Variants in CFH observed in about 807,000 individuals in gnomAD.
CFH encodes the protein H factor 1 (complement).
A neutral mutation model predicts 147.3 loss-of-function variants in CFH; 53 were observed. The observed-to-expected ratio is 0.36, with a 90% CI of 0.29 to 0.45. CFH has a LOEUF of 0.45. CFH is among the 20% of genes least tolerant of loss of function. The pLI, the probability that CFH is intolerant of heterozygous loss-of-function variation, is 1.00. For missense variants in CFH, 1,380 were observed against 1,498.0 expected (o/e 0.92, Z 1.30); for synonymous variants, 536 against 489.4 (o/e 1.10, Z -1.26).
At chr1:196,660,884 TATA>T (rs1430252697) in intron 1 of CFH, among the ~76,000 whole-genome samples, 1 of 152,162 alleles carries the variant, frequency 6.6e-6, no homozygotes, top group African/African-American at 2.4e-5. Flanking sequence ...CACCTGGAAA[TATA>T]ATAATAACCA....
chr1:196,687,870 T>C (rs751380048), intron 7 of CFH, among the ~76,000 whole-genome samples: 3 of 152,074 alleles, frequency 2.0e-5, no homozygotes, highest in Admixed American at 6.6e-5. Context: ...TTATAAGATA[T>C]ATGGATTGTA....
At chr1:196,657,640 A>G (rs1309489014) in intron 1 of CFH, among the ~76,000 whole-genome samples, 2 of 152,216 alleles carry the variant, frequency 1.3e-5, no homozygotes, top group African/African-American at 2.4e-5. Context: ...GTGAGAAGAT[A>G]AGAAAGAAAT....
chr1:196,664,783 T>C (rs1425534541), intron 1 of CFH, among the ~76,000 whole-genome samples: 1 of 152,160 alleles, frequency 6.6e-6, no homozygotes, highest in Non-Finnish European at 1.5e-5. Context: ...ATTCTAATTA[T>C]ATCCATTATT....
intron 1 of CFH, among the ~76,000 whole-genome samples, chr1:196,657,473 T>C (rs1344252897): frequency 6.6e-6 from 1 of 152,104 alleles, no homozygotes; most frequent in Non-Finnish European, 1.5e-5. Flanking sequence ...AACTTAAGCA[T>C]AGGAAAAACT....
chr1:196,707,448 A>G (rs1292903867), intron 9 of CFH, among the ~76,000 whole-genome samples: 3 of 152,190 alleles, frequency 2.0e-5, no homozygotes, highest in African/African-American at 7.2e-5. Flanking sequence ...TATCCAACTG[A>G]CATTCTCTTT....
chr1:196,671,945 A>G (rs1573007729), intron 1 of CFH, among the ~76,000 whole-genome samples: 2 of 151,320 alleles, frequency 1.3e-5, no homozygotes, highest in East Asian at 3.9e-4. Flanking sequence ...TGCTGTTTTG[A>G]CATCTGCTCT....
intron 15 of CFH, among the ~76,000 whole-genome samples, chr1:196,735,154 AT>A (rs1365518247): frequency 6.6e-6 from 1 of 152,020 alleles, no homozygotes; most frequent in East Asian, 1.9e-4. Context: ...TTTTTATTTG[AT>A]TTGAAATATT....
intron 6 of CFH, 141 bp downstream of exon 6, chr1:196,679,934 C>T (rs1292982211): frequency 1.7e-5 from 14 of 808,172 alleles, no homozygotes; most frequent in Non-Finnish European, 2.7e-5. Flanking sequence ...ATAGCATTTT[C>T]TGTGTTCAAG....
chr1:196,710,090 G>A lies in CFH; in HGVS notation c.1337-3645G>A, dbSNP rs1668690135. On this transcript the variant is annotated intron_variant, in intron 9 of 21. Transcript: ENST00000367429. ...CACATCAGCTGGTCTAAAGAGCCCA[G>A]CAAAAAGCTGACTCAGGAAATAATG... Among the ~76,000 whole-genome samples the A allele has an allele frequency of 2.6e-5, 4 of 152,006 alleles. No individual in the cohort carries two copies. The Middle Eastern group carries it at 0.01, about 388-fold the overall frequency.
chr1:196,656,937 G>T (rs1666720685), intron 1 of CFH, among the ~76,000 whole-genome samples: 1 of 151,848 alleles, frequency 6.6e-6, no homozygotes, highest in Admixed American at 6.6e-5. Context: ...TATGGTTCTG[G>T]AATTTTCTTC....
intron 7 of CFH, 151 bp downstream of exon 7, chr1:196,685,388 A>T: frequency 1.3e-6 from 1 of 791,840 alleles, no homozygotes. Context: ...GAAGTTGCCG[A>T]AACTCATATT....
intron 1 of CFH, among the ~76,000 whole-genome samples, chr1:196,658,555 G>A (rs1666794557): frequency 6.6e-6 from 1 of 151,600 alleles, no homozygotes; most frequent in African/African-American, 2.4e-5. Flanking sequence ...GGGACTACAG[G>A]CACCCACCAC....
At chr1:196,676,159 A>G in intron 4 of CFH, 94 bp downstream of exon 4, 1 of 722,920 alleles carries the variant, frequency 1.4e-6, no homozygotes, top group Non-Finnish European at 2.2e-6. Context: ...TCTATTAAAT[A>G]TTTTTATTTA....
At chr1:196,675,343 G>A (rs1036264623) in intron 3 of CFH, among the ~76,000 whole-genome samples, 29 of 152,090 alleles carry the variant, frequency 1.9e-4, no homozygotes, top group African/African-American at 6.8e-4. Context: ...GACTCACTGG[G>A]TATTCTCAGG....
At chr1:196,658,912 A>G (rs1448309672) in intron 1 of CFH, among the ~76,000 whole-genome samples, 1 of 152,206 alleles carries the variant, frequency 6.6e-6, no homozygotes, top group Non-Finnish European at 1.5e-5. Flanking sequence ...AATGAATTAA[A>G]GCTTCACCAA....
intron 9 of CFH, among the ~76,000 whole-genome samples, chr1:196,703,836 TA>T (rs1482595023): frequency 1.3e-5 from 2 of 151,368 alleles, no homozygotes; most frequent in Non-Finnish European, 2.9e-5. Context: ...TACAAAAAAT[TA>T]GTCGGGCATG....
At chr1:196,676,235 T>C (rs919043884) in intron 4 of CFH, among the ~76,000 whole-genome samples, 170 bp downstream of exon 4, 3 of 152,128 alleles carry the variant, frequency 2.0e-5, no homozygotes, top group African/African-American at 7.2e-5. Context: ...TTCTTGGTGT[T>C]TCAAAAGCCA....
intron 9 of CFH, among the ~76,000 whole-genome samples, chr1:196,713,120 G>A (rs1298191071): frequency 6.6e-6 from 1 of 152,010 alleles, no homozygotes; most frequent in Non-Finnish European, 1.5e-5. Flanking sequence ...TCAGTTAACA[G>A]AAACAGTAAC....
At chr1:196,659,685 C>CTGGGTGT (rs1483425850) in intron 1 of CFH, among the ~76,000 whole-genome samples, 2 of 152,148 alleles carry the variant, frequency 1.3e-5, no homozygotes, top group Non-Finnish European at 2.9e-5. Context: ...CCTGTAACTT[C>CTGGGTGT]TGGGTGTTGC....
Sources: gnomAD v4.1 joint callset for allele counts (sites outside exome capture counted in the v4.1 genomes callset) on GRCh38, gnomAD v4.1.1 for gene constraint, MANE v1.5 for transcripts, NCBI Gene and HGNC (gene_info 2026-07-23, HGNC 2026-07-21) for gene names.